The following HIBCH variants were observed in gnomAD, a reference collection of about 807,000 sequenced individuals.
HIBCH encodes 3-hydroxyisobutyryl-CoA hydrolase.
HIBCH carries 50 observed loss-of-function variants against 58.2 expected under a neutral mutation model. The observed-to-expected ratio is 0.86, with a 90% CI of 0.68 to 1.09. HIBCH has a LOEUF of 1.09. Among genes scored for constraint, HIBCH ranks in the 50% least tolerant of loss-of-function variants. The pLI, the probability that HIBCH is intolerant of heterozygous loss-of-function variation, is 0.00. For missense variants in HIBCH, 450 were observed against 449.7 expected (o/e 1.00, Z -0.01); for synonymous variants, 151 against 146.9 (o/e 1.03, Z -0.20).
In HIBCH at chr2:190,244,841, C is replaced by T. The variant is rs375349694; in HGVS notation, c.891+46G>A. 130 of 1,224,578 alleles carry T rather than the reference C, an allele frequency of 1.1e-4. 1 individual carries two copies. Among genetic ancestry groups the T allele is most frequent in the African/African-American group, 3.9e-4 (26 of 67,438 alleles). The allele number at this position is 1,224,578 out of a possible 1,614,324, so 75.9% of individuals were successfully genotyped here. ...CCCCTTAGAGAGGCTTCCCTGTCAC[C>T]GGACTTCACTATGTTCACTCAGGGC... On this transcript the variant is annotated intron_variant, in intron 11 of 13. Coordinates refer to ENST00000359678, the MANE Select transcript of HIBCH (RefSeq NM_014362.4).
At chr2:190,287,731 T>C in intron 5 of HIBCH, 93 bp from the exon 6 acceptor site, 1 of 873,790 alleles carries the variant, frequency 1.1e-6, no homozygotes, top group Non-Finnish European at 1.8e-6. Context: ...ACTCAAGATT[T>C]TCCCTAGGAA....
At chr2:190,245,912 C>T (rs1686591733) in intron 10 of HIBCH, among the ~76,000 whole-genome samples, 1 of 151,590 alleles carries the variant, frequency 6.6e-6, no homozygotes, top group South Asian at 2.1e-4. Context: ...ATTGCTTGAA[C>T]CCAGGAGGCG....
At chr2:190,310,555 T>G (rs1003805298) in intron 2 of HIBCH, among the ~76,000 whole-genome samples, 199 bp downstream of exon 2, 2 of 152,202 alleles carry the variant, frequency 1.3e-5, no homozygotes, top group Non-Finnish European at 2.9e-5. Flanking sequence ...GCATTCTGAC[T>G]TGTAAGAACC....
At chr2:190,311,429 C>T (rs890024247) in intron 1 of HIBCH, among the ~76,000 whole-genome samples, 1 of 152,112 alleles carries the variant, frequency 6.6e-6, no homozygotes, top group African/African-American at 2.4e-5. Flanking sequence ...CAACTTATAA[C>T]TACTCTAAAA....
rs868746040 is a variant in HIBCH at position 190,209,656 on chromosome 2, C to T, written c.1012-743G>A. Among the ~76,000 whole-genome samples the T allele has an allele frequency of 3.3e-5, 5 of 152,202 alleles. No homozygotes were observed. The highest frequency in any genetic ancestry group is 1.3e-4 in the Admixed American group (2 of 15,280). On this transcript the variant is annotated intron_variant, in intron 12 of 13. Coordinates refer to ENST00000359678, the MANE Select transcript of HIBCH (RefSeq NM_014362.4). This position sits in a 1 kb window ranked among gnomAD's most constrained non-coding sequence, Gnocchi z 5.6. ...CTGCACCTGCCTTCTCTTTCAATGC[C>T]GTGGAGGAAAGGACCATCCCTTTTT...
intron 2 of HIBCH, among the ~76,000 whole-genome samples, chr2:190,308,438 C>T (rs1223279761): frequency 2.0e-5 from 3 of 152,146 alleles, no homozygotes; most frequent in African/African-American, 7.2e-5. Context: ...GGTGATTGGG[C>T]ATGACAGTTC....
chr2:190,265,455 C>CT (rs78459121), intron 6 of HIBCH, among the ~76,000 whole-genome samples: 305 of 141,980 alleles, frequency 2.1e-3, no homozygotes, highest in South Asian at 4.0e-3. Flanking sequence ...ATCTTTTGCT[C>CT]TTTTTTTTTT....
chr2:190,249,366 C>A (rs564283328), intron 9 of HIBCH, among the ~76,000 whole-genome samples: 6 of 152,258 alleles, frequency 3.9e-5, no homozygotes, highest in African/African-American at 1.2e-4. Context: ...TACAGAAATG[C>A]CAAAACCCTT....
rs1327830863 is a variant in HIBCH, at chr2:190,210,629, C to T, written c.1012-1716G>A. Among the ~76,000 whole-genome samples, 5 of 152,260 alleles carry T rather than the reference C, an allele frequency of 3.3e-5. No homozygotes were observed. The highest frequency in any genetic ancestry group is 9.6e-5 in the African/African-American group (4 of 41,532). ...AAAGTCCTTAGAGAGACCTTCAAGG[C>T]TCTGTATGCTCTGCACAGCCTTTCT... On this transcript the variant is annotated intron_variant, in intron 12 of 13. Coordinates refer to ENST00000359678, the MANE Select transcript of HIBCH (RefSeq NM_014362.4). This position sits in a 1 kb window ranked among gnomAD's most constrained non-coding sequence, Gnocchi z 5.5.
chr2:190,200,604 C>T (rs1690203248), downstream of HIBCH: 1 of 177,036 alleles, frequency 5.6e-6, no homozygotes, highest in Non-Finnish European at 1.4e-5. Context: ...TAGTGATTAA[C>T]AGTAAGTCTT....
chr2:190,314,403 G>GTA (rs1688660901), intron 1 of HIBCH, among the ~76,000 whole-genome samples: 1 of 142,566 alleles, frequency 7.0e-6, no homozygotes, highest in Non-Finnish European at 1.5e-5. Context: ...ATATATATAC[G>GTA]TATATATGTG....
intron 6 of HIBCH, among the ~76,000 whole-genome samples, chr2:190,264,282 T>C (rs896511432): frequency 1.4e-5 from 2 of 140,672 alleles, no homozygotes; most frequent in South Asian, 2.2e-4. Flanking sequence ...TTTTTCTTTC[T>C]TTTTTTTTTT....
intron 13 of HIBCH, chr2:190,208,607 A>C: frequency 2.0e-6 from 1 of 488,738 alleles, no homozygotes; most frequent in Non-Finnish European, 3.7e-6. Flanking sequence ...CACTACTAAA[A>C]CAACTATAGG....
At chr2:190,316,661 G>T (rs988267675) in intron 1 of HIBCH, among the ~76,000 whole-genome samples, 8 of 152,254 alleles carry the variant, frequency 5.3e-5, no homozygotes, top group African/African-American at 1.7e-4. Flanking sequence ...CAGTTCACCA[G>T]TCCCCCATGC....
At chr2:190,294,691 T>C (rs1470575361) in intron 3 of HIBCH, 61 bp from the exon 4 acceptor site, 3 of 1,005,414 alleles carry the variant, frequency 3.0e-6, no homozygotes, top group Non-Finnish European at 3.2e-6. Flanking sequence ...ATTAAAGTTA[T>C]ATGCATATGC....
rs1244606585 is a variant in HIBCH at position 190,279,067 on chromosome 2, T to C, written c.438+8519A>G. On this transcript the variant is annotated intron_variant, in intron 6 of 13. Coordinates refer to ENST00000359678, the MANE Select transcript of HIBCH (RefSeq NM_014362.4). The surrounding 1 kb of genome is among the most constrained non-coding windows in gnomAD (Gnocchi z 4.2). ...GGAAAGCCAAGGTTGAAGGGCCATATCTGTTGAGGGCCTTCTTGCTGGTGG... is the reference window on the plus strand; with the variant it reads ...GGAAAGCCAAGGTTGAAGGGCCATACCTGTTGAGGGCCTTCTTGCTGGTGG... 6.6e-6 allele frequency among the ~76,000 whole-genome samples: 1 copy of C among 152,222 alleles called. No individual in the cohort carries two copies. The highest frequency in any genetic ancestry group is 2.4e-5 in the African/African-American group (1 of 41,464).
intron 11 of HIBCH, among the ~76,000 whole-genome samples, chr2:190,226,132 C>G (rs1376462842): frequency 1.3e-5 from 2 of 152,184 alleles, no homozygotes; most frequent in Non-Finnish European, 2.9e-5. Flanking sequence ...CTATTTATGA[C>G]AAACCCACAG....
intron 11 of HIBCH, among the ~76,000 whole-genome samples, chr2:190,223,101 T>C (rs1157847960): frequency 6.6e-6 from 1 of 152,060 alleles, no homozygotes; most frequent in African/African-American, 2.4e-5. Context: ...GAGGGGAACA[T>C]CACACACTGA....
intron 6 of HIBCH, among the ~76,000 whole-genome samples, chr2:190,276,846 A>AC (rs1687565571): frequency 2.0e-5 from 3 of 152,230 alleles, no homozygotes; most frequent in Non-Finnish European, 2.9e-5. Context: ...AGTTACCAAT[A>AC]TAAAAAACAC....
Sources: gnomAD v4.1 joint callset for allele counts (sites outside exome capture counted in the v4.1 genomes callset) on GRCh38, gnomAD v4.1.1 for gene constraint, Gnocchi (gnomAD v3.1) non-coding constraint, MANE v1.5 for transcripts, NCBI Gene and HGNC (gene_info 2026-07-23, HGNC 2026-07-21) for gene names.